ESRRG: variants seen among roughly 807,000 people sequenced by gnomAD.
The protein encoded by ESRRG is estrogen related receptor gamma.
ESRRG carries 13 observed loss-of-function variants against 44.0 expected under a neutral mutation model. That is an observed-to-expected ratio of 0.30 (90% CI 0.19 to 0.47). The LOEUF is 0.47. ESRRG is among the 20% of genes least tolerant of loss of function. The pLI is 1.00. For synonymous variants in ESRRG, 215 were observed against 214.6 expected (o/e 1.00, Z -0.02); for missense variants, 395 against 580.6 (o/e 0.68, Z 3.29).
chr1:216,897,123 A>G (rs2058519694), intron 2 of ESRRG, among the ~76,000 whole-genome samples: 1 of 152,208 alleles, frequency 6.6e-6, no homozygotes, highest in East Asian at 1.9e-4. Context: ...TGAAGAGCAC[A>G]GAAGTTTGAA....
At chr1:216,855,665 C>T (rs910781486) in intron 2 of ESRRG, among the ~76,000 whole-genome samples, 11 of 152,296 alleles carry the variant, frequency 7.2e-5, no homozygotes, top group South Asian at 2.1e-4. Context: ...GACACATCTG[C>T]GCTTAATCCA....
chr1:217,054,299 G>C (rs528929857), intron 1 of ESRRG, among the ~76,000 whole-genome samples: 7 of 152,128 alleles, frequency 4.6e-5, no homozygotes, highest in Admixed American at 2.0e-4. Context: ...TACTGGGGGG[G>C]AGCATAAATG....
chr1:217,056,933 G>T (rs750623975), intron 1 of ESRRG, among the ~76,000 whole-genome samples: 1 of 152,068 alleles, frequency 6.6e-6, no homozygotes, highest in Non-Finnish European at 1.5e-5. Flanking sequence ...GTACTCACTG[G>T]AGAGTTCAAT....
chr1:216,992,216 A>G (rs984809063), intron 1 of ESRRG, among the ~76,000 whole-genome samples: 5 of 152,208 alleles, frequency 3.3e-5, no homozygotes, highest in Admixed American at 1.3e-4. Flanking sequence ...CCCTTCAGTG[A>G]TATTTAACTA....
intron 1 of ESRRG, among the ~76,000 whole-genome samples, chr1:216,700,090 C>T (rs983190369): frequency 2.0e-5 from 3 of 150,518 alleles, no homozygotes; most frequent in Non-Finnish European, 4.4e-5. Flanking sequence ...ACCTCATCTC[C>T]GCTGCTTCTA....
chr1:216,835,562 A>C (rs2095551614), intron 2 of ESRRG, among the ~76,000 whole-genome samples: 1 of 152,182 alleles, frequency 6.6e-6, no homozygotes, highest in African/African-American at 2.4e-5. Flanking sequence ...TCAAATATAG[A>C]AATACGGAGT....
chr1:216,583,063 T>A (rs1456454385), intron 3 of ESRRG, among the ~76,000 whole-genome samples: 1 of 152,068 alleles, frequency 6.6e-6, no homozygotes, highest in African/African-American at 2.4e-5. Context: ...AACTGTAAAT[T>A]TGAAAGAAGG....
intron 2 of ESRRG, among the ~76,000 whole-genome samples, chr1:216,655,980 G>T (rs529727868): frequency 3.9e-5 from 6 of 152,198 alleles, no homozygotes; most frequent in African/African-American, 1.2e-4. Flanking sequence ...GGGTAACAAT[G>T]TTACGTCTAT....
chr1:216,510,300 G>A (rs200133373), intron 6 of ESRRG, among the ~76,000 whole-genome samples: 3 of 152,050 alleles, frequency 2.0e-5, no homozygotes, highest in Admixed American at 1.3e-4. Flanking sequence ...TATTCTAAAA[G>A]AATAAATATT....
rs1559850209 is a variant in ESRRG, at chr1:216,846,241, TATTCTTGATCACC to T, written c.-14+93328_-14+93340del. On this transcript the variant is annotated intron_variant, in intron 2 of 7. Transcript: ENST00000359162. ...GTGAAAATATTTCCACGTCTTTACGTATTCTTGATCACCATTTTGGACAGGAGAGCGTATTTCA... is the reference window on the plus strand; with the variant it reads ...GTGAAAATATTTCCACGTCTTTACGTATTTTGGACAGGAGAGCGTATTTCA... 2.0e-5 allele frequency among the ~76,000 whole-genome samples: 3 copies of T among 152,276 alleles called. No individual in the cohort carries two copies. In the East Asian group the frequency reaches 5.8e-4, roughly 29 times the overall value.
At chr1:216,622,608 T>TCACA (rs769882782) in intron 3 of ESRRG, among the ~76,000 whole-genome samples, 20 of 136,944 alleles carry the variant, frequency 1.5e-4, no homozygotes, top group South Asian at 2.3e-4. Context: ...CAAATGAAAA[T>TCACA]TACACACACG....
chr1:216,694,955 C>A (rs973739463), intron 1 of ESRRG, among the ~76,000 whole-genome samples: 4 of 152,070 alleles, frequency 2.6e-5, no homozygotes, highest in African/African-American at 9.7e-5. Context: ...ACCTGGTAAA[C>A]AAAACAGACC....
At chr1:216,619,922 T>C (rs1340027174) in intron 3 of ESRRG, among the ~76,000 whole-genome samples, 3 of 152,188 alleles carry the variant, frequency 2.0e-5, no homozygotes, top group African/African-American at 4.8e-5. Flanking sequence ...AGAAAAGCTC[T>C]AAGTAGGCAA....
chr1:217,125,585 T>C (rs1003748438), intron 1 of ESRRG, among the ~76,000 whole-genome samples: 8 of 152,182 alleles, frequency 5.3e-5, no homozygotes, highest in African/African-American at 1.9e-4. Context: ...TTAATAAATA[T>C]TTGACAAATT....
intron 2 of ESRRG, among the ~76,000 whole-genome samples, chr1:216,792,901 TC>T (rs1347082979): frequency 3.3e-5 from 5 of 152,160 alleles, no homozygotes; most frequent in African/African-American, 1.2e-4. Flanking sequence ...GGCACCATGA[TC>T]CCTTAGTGAA....
At chr1:216,962,081 C>A (rs1203657709) in intron 1 of ESRRG, among the ~76,000 whole-genome samples, 2 of 106,792 alleles carry the variant, frequency 1.9e-5, no homozygotes, top group East Asian at 2.1e-4. Flanking sequence ...GTGCTTTCTG[C>A]TATTTTTTTA....
intron 2 of ESRRG, among the ~76,000 whole-genome samples, chr1:216,731,952 C>T (rs184706395): frequency 7.4e-4 from 113 of 152,244 alleles, no homozygotes; most frequent in African/African-American, 2.7e-3. Context: ...TGGATTAATT[C>T]ATCCTTCGAT....
At chr1:216,722,782 T>C (rs1224921262) in intron 1 of ESRRG, among the ~76,000 whole-genome samples, 1 of 152,210 alleles carries the variant, frequency 6.6e-6, no homozygotes, top group Non-Finnish European at 1.5e-5. Flanking sequence ...ATTTTGCCTC[T>C]AACTCTGCGC....
rs529161465 is a variant in ESRRG at position 216,924,541 on chromosome 1, G to A, written c.-14+15041C>T. 2.0e-5 allele frequency among the ~76,000 whole-genome samples: 3 copies of A among 152,292 alleles called. No individual in the cohort carries two copies. The South Asian group carries it at 6.2e-4, about 32-fold the overall frequency. ...CTGTTAGAGCAGATAATAAAATCCAGCCTAGAAGGAAAATCCACATGCAAA... is the reference window on the plus strand; with the variant it reads ...CTGTTAGAGCAGATAATAAAATCCAACCTAGAAGGAAAATCCACATGCAAA... On this transcript the variant is annotated intron_variant, in intron 2 of 7. Coordinates refer to the ESRRG transcript ENST00000359162.
Sources: gnomAD v4.1 joint callset for allele counts (sites outside exome capture counted in the v4.1 genomes callset) on GRCh38, gnomAD v4.1.1 for gene constraint, MANE v1.5 for transcripts, NCBI Gene and HGNC (gene_info 2026-07-23, HGNC 2026-07-21) for gene names.